Variants in RAPGEF3 observed in about 807,000 individuals in gnomAD.
RAPGEF3 encodes Rap guanine nucleotide exchange factor 3, also known as 9330170P05Rik.
A neutral mutation model predicts 129.8 loss-of-function variants in RAPGEF3; 103 were observed. The ratio of observed to expected loss-of-function variants is 0.79; its 90% CI spans 0.68 to 0.93. The LOEUF is 0.93. Ranked by LOEUF, RAPGEF3 falls within the 40% of genes least tolerant of loss-of-function variation. RAPGEF3 has a pLI of 0.00. For synonymous variants in RAPGEF3, 436 were observed against 482.6 expected, an observed-to-expected ratio of 0.90 and a Z score of 1.26; for missense variants, 1,117 against 1,207.4, an observed-to-expected ratio of 0.93 and a Z score of 1.11.
intron 16 of RAPGEF3, 183 bp from the exon 17 acceptor site, chr12:47,744,251 G>A (rs189074990): frequency 3.5e-5 from 21 of 607,232 alleles, no homozygotes; most frequent in Non-Finnish European, 5.4e-5. Flanking sequence ...AAGGATCCAG[G>A]AGAAGACACA....
At chr12:47,743,424 G>A in intron 18 of RAPGEF3, 106 bp downstream of exon 18, 1 of 1,411,566 alleles carries the variant, frequency 7.1e-7, no homozygotes, top group South Asian at 1.3e-5. Flanking sequence ...TTCACACTGA[G>A]GAAGACCAGA....
intron 1 of RAPGEF3, 115 bp downstream of exon 1, chr12:47,758,436 T>A: frequency 6.4e-7 from 1 of 1,569,992 alleles, no homozygotes; most frequent in Non-Finnish European, 8.7e-7. Flanking sequence ...TAAACCCTTC[T>A]CCTCTCCTCC....
In RAPGEF3 at chr12:47,749,875, C is replaced by A. The variant is rs963261081; in HGVS notation, c.817+55G>T. On this transcript the variant is annotated intron_variant, in intron 8 of 27. Transcript: ENST00000449771. This position sits in a 1 kb window ranked among gnomAD's most constrained non-coding sequence, Gnocchi z 4.5. ...TGGCACCTACCATTCCTTCACACAT[C>A]CTTCTGCCCATGTCCAGGCCCTGTG... 2 of 1,613,748 alleles carry A rather than the reference C, an allele frequency of 1.2e-6. No individual in the cohort carries two copies. The highest frequency in any genetic ancestry group is 1.7e-6 in the Non-Finnish European group (2 of 1,179,694).
Position 47,757,875 on chromosome 12 carries a change from C to A in RAPGEF3, c.210G>T (p.Gly70=). ...LEHQRPSCIQ[G]LRWTPLTNSE... ...GGTGAAAGGTACTCACCCAGCGCAG[C>A]CCCTGGATGCAGCTCGGACGCTGGT... Residue 70 remains glycine, a synonymous_variant, in exon 2 of 28, where the codon GGG becomes GGT. Transcript: ENST00000449771. 2 of 1,554,638 alleles carry A rather than the reference C, an allele frequency of 1.3e-6. No individual in the cohort carries two copies. The highest frequency in any genetic ancestry group is 1.7e-6 in the Non-Finnish European group (2 of 1,149,352).
intron 23 of RAPGEF3, chr12:47,739,938 A>G: frequency 1.2e-5 from 8 of 640,766 alleles, no homozygotes; most frequent in Non-Finnish European, 1.9e-5. Context: ...TGCAACCCCT[A>G]TCCTAGTGCT....
chr12:47,751,113 G>T lies in RAPGEF3; in HGVS notation c.606C>A (p.Ala202=). ...VRTHEMEEEL[A]EAVALLSQRG... is the part of the protein sequence containing the mutation. ...GCTGGGAGAGCAGGGCCACAGCTTCGGCCAACTCCTCCTCCATCTCATGAG... is the reference window on the plus strand; with the variant it reads ...GCTGGGAGAGCAGGGCCACAGCTTCTGCCAACTCCTCCTCCATCTCATGAG... Residue 202 remains alanine (A), a synonymous_variant, in exon 6 of 28, where the codon GCC becomes GCA. Coordinates refer to ENST00000449771, the MANE Select transcript of RAPGEF3 (RefSeq NM_001098531.4). The T allele has an allele frequency of 6.3e-7, 1 of 1,581,686 alleles. No homozygotes were observed. Among genetic ancestry groups the T allele is most frequent in the Non-Finnish European group, 8.6e-7 (1 of 1,164,538 alleles).
chr12:47,747,327 G>C (rs925328507), intron 15 of RAPGEF3, among the ~76,000 whole-genome samples: 4 of 152,290 alleles, frequency 2.6e-5, no homozygotes. Context: ...GTGCACTCAG[G>C]ATATGAGAAT....
Position 47,749,093 on chromosome 12 carries a change from A to T in RAPGEF3, c.1042-162T>A. 1.5e-6 allele frequency: 1 copy of T among 661,104 alleles called. No individual in the cohort carries two copies. Among genetic ancestry groups the T allele is most frequent in the Non-Finnish European group, 2.6e-6 (1 of 381,972 alleles). The allele number at this position is 661,104 out of a possible 1,614,324, so 41.0% of individuals were successfully genotyped here. A position where few individuals can be genotyped will look rare whatever the true frequency, so the allele number is the denominator to read the frequency against. ...TGGCTCCACCTCCTCAGCCTTCCCTACCTTCCATGCATCCTGCCTCCCCCA... is the reference window on the plus strand; with the variant it reads ...TGGCTCCACCTCCTCAGCCTTCCCTTCCTTCCATGCATCCTGCCTCCCCCA... On this transcript the variant is annotated intron_variant, in intron 10 of 27. Transcript: ENST00000449771. The surrounding 1 kb of genome is among the most constrained non-coding windows in gnomAD (Gnocchi z 4.5).
chr12:47,747,360 T>G (rs1299029836), intron 15 of RAPGEF3, among the ~76,000 whole-genome samples, 184 bp downstream of exon 15: 12 of 152,148 alleles, frequency 7.9e-5, no homozygotes, highest in Admixed American at 7.9e-4. Flanking sequence ...GAGTGCCTGA[T>G]GCATGAGAAT....
chr12:47,751,783 T>C lies in RAPGEF3; in HGVS notation c.320A>G (p.His107Arg). The C allele has an allele frequency of 1.9e-6, 3 of 1,614,070 alleles. No homozygotes were observed. The highest frequency in any genetic ancestry group is 2.5e-6 in the Non-Finnish European group (3 of 1,180,014). ...VLRAGRQLHR[H>R]LLATCPNLIR... ...GAGGTTTGGGCAGGTGGCCAGCAGA[T>C]GCCGATGCAGCTGCCTCCCAGCCCT... The change falls in exon 4 of 28, where the codon CAT (histidine) becomes CGT (arginine). Residue 107 changes from histidine to arginine, a missense_variant. Transcript: ENST00000449771.
Position 47,751,061 on chromosome 12 carries a change from C to T in RAPGEF3, c.658G>A (p.Ala220Thr), listed in dbSNP as rs764796690. The T allele has an allele frequency of 1.3e-6, 2 of 1,597,338 alleles. No individual in the cohort carries two copies. Among genetic ancestry groups the T allele is most frequent in the Non-Finnish European group, 1.7e-6 (2 of 1,172,994 alleles). Residue 220 changes from alanine (A) to threonine (T), a missense_variant, in exon 6 of 28, where the codon GCA becomes ACA. By Grantham distance (58) the Ala-to-Thr change is moderately conservative. Around this residue, in one of 3 missense-constraint regions of RAPGEF3, gnomAD observed 367 missense variants for 373.4 expected, o/e 0.98. Coordinates refer to ENST00000449771, the MANE Select transcript of RAPGEF3 (RefSeq NM_001098531.4). Reference sequence around the variant, plus strand: ...ATTCTGACTCACGGCTTTCGAAGTGCCACAGTGAGCAGGGCGTCAGGCCCC... The same window carrying T: ...ATTCTGACTCACGGCTTTCGAAGTGTCACAGTGAGCAGGGCGTCAGGCCCC... ...QRGPDALLTV[A>T]LRKPPGQRTD...
intron 23 of RAPGEF3, chr12:47,739,793 C>T (rs1941034287): frequency 2.3e-6 from 1 of 432,238 alleles, no homozygotes; most frequent in African/African-American, 2.0e-5. Flanking sequence ...CGCTCCATGC[C>T]AGGCCCTTGG....
intron 6 of RAPGEF3, 124 bp downstream of exon 6, chr12:47,750,924 G>A: frequency 7.2e-7 from 1 of 1,394,058 alleles, no homozygotes. Flanking sequence ...GGGGCTTCTG[G>A]GCCAGCCAGG....
chr12:47,749,438 G>C lies in RAPGEF3; in HGVS notation c.993C>G (p.Asn331Lys). ...RAATIILRED[N>K]CHFLRVDKQD... ...GCTTGTCCACACGCAGGAAATGACA[G>C]TTGTCTTCTCGCAGGATGATGGTGG... The change falls in exon 10 of 28, where the codon AAC becomes AAG. Residue 331 changes from asparagine to lysine, a missense_variant. Asn to Lys is a moderately conservative substitution (Grantham distance 94). Transcript: ENST00000449771. This position sits in a 1 kb window ranked among gnomAD's most constrained non-coding sequence, Gnocchi z 4.5. 6.2e-7 allele frequency: 1 copy of C among 1,613,448 alleles called. No individual in the cohort carries two copies. The highest frequency in any genetic ancestry group is 8.5e-7 in the Non-Finnish European group (1 of 1,180,024).
At position 47,751,943 on chromosome 12, in the gene RAPGEF3, G is replaced by A. The variant is rs765257873; in HGVS notation, c.246C>T (p.Ser82=). ...GCTCCAGGCTCTCGCTGAAATCCAG[G>A]GACTCCTCGCTGTTGGTGAGTGGTG... is the stretch of plus-strand genomic sequence containing the variant. The part of the protein sequence containing the change: ...RWTPLTNSEE[S]LDFSESLEQA... Residue 82 remains serine (S), a synonymous_variant, in exon 3 of 28, where the codon TCC becomes TCT. Transcript: ENST00000449771. 6.2e-7 allele frequency: 1 copy of A among 1,614,072 alleles called. No homozygotes were observed. The highest frequency in any genetic ancestry group is 8.5e-7 in the Non-Finnish European group (1 of 1,180,008).
rs114969534 is a variant in RAPGEF3, at chr12:47,757,511, C to T, written c.219+355G>A. Among the ~76,000 whole-genome samples the T allele has an allele frequency of 1.6e-3, 245 of 152,290 alleles. 3 individuals carry two copies. The highest frequency in any genetic ancestry group is 5.7e-3 in the African/African-American group (235 of 41,558). On this transcript the variant is annotated intron_variant, in intron 2 of 27. Transcript: ENST00000449771. ...GAACTGTAACCAAGCTTACCTCACT[C>T]CAACCCATTGACCCGGCCCCCATAC...
Position 47,758,440 on chromosome 12 carries a change from C to G in RAPGEF3, c.6+111G>C, listed in dbSNP as rs1232041985. 3.2e-6 allele frequency: 5 copies of G among 1,575,474 alleles called. No individual in the cohort carries two copies. In the East Asian group the frequency reaches 1.1e-4, roughly 36 times the overall value. On this transcript the variant is annotated intron_variant, in intron 1 of 27. Transcript: ENST00000449771. The stretch of plus-strand genomic sequence containing the variant: ...CAGCTTCGGCTTAAACCCTTCTCCT[C>G]TCCTCCTCAGCCCTGACTAACCCTC...
In RAPGEF3 at chr12:47,749,015, G is replaced by A. The variant is rs1234962644; in HGVS notation, c.1042-84C>T. The stretch of plus-strand genomic sequence containing the variant: ...ATCTACCTCCTTCATTCCAGCCCCT[G>A]AGCCCCATGAGGGTCCCACAGGGAC... On this transcript the variant is annotated intron_variant, in intron 10 of 27. Transcript: ENST00000449771. The surrounding 1 kb of genome is among the most constrained non-coding windows in gnomAD (Gnocchi z 4.5). 1 of 1,191,668 alleles carries A rather than the reference G, an allele frequency of 8.4e-7. No individual in the cohort carries two copies. Among genetic ancestry groups the A allele is most frequent in the African/African-American group, 1.5e-5 (1 of 66,652 alleles). 73.8% of individuals were successfully genotyped at this position (1,191,668 alleles called of 1,614,324 possible).
chr12:47,737,929 G>A, intron 27 of RAPGEF3, 93 bp downstream of exon 27: 1 of 1,474,324 alleles, frequency 6.8e-7, no homozygotes, highest in Non-Finnish European at 9.4e-7. Flanking sequence ...CGGGCTCCGT[G>A]CCTGGCACAT....
Sources: gnomAD v4.1 joint callset for allele counts (sites outside exome capture counted in the v4.1 genomes callset) on GRCh38, gnomAD v4.1.1 for gene constraint, gnomAD v4.1.1 regional missense constraint, Gnocchi (gnomAD v3.1) non-coding constraint, MANE v1.5 for transcripts, NCBI Gene and HGNC (gene_info 2026-07-23, HGNC 2026-07-21) for gene names.